The following PRDM1 variants were observed in gnomAD, a reference collection of about 807,000 sequenced individuals.
PRDM1 encodes PR/SET domain 1, also known as PR domain zinc finger protein 1.
PRDM1 carries 13 observed loss-of-function variants against 62.8 expected under a neutral mutation model. The observed-to-expected ratio is 0.21, with a 90% CI of 0.13 to 0.33. The LOEUF (loss-of-function observed/expected upper bound fraction) is 0.33, where lower values mean the gene tolerates loss of function less well. PRDM1 is among the 10% of genes least tolerant of loss of function. The pLI is 1.00. For missense variants in PRDM1, 895 were observed against 1,058.8 expected, an observed-to-expected ratio of 0.85 and a Z score of 2.15; for synonymous variants, 396 against 417.6, an observed-to-expected ratio of 0.95 and a Z score of 0.63.
rs188940628 is a variant in PRDM1, at chr6:106,064,030, C to T, written c.-67+15316C>T. Among the ~76,000 whole-genome samples, 737 of 152,226 alleles carry T rather than the reference C, an allele frequency of 4.8e-3. 5 individuals are homozygous for T. Among genetic ancestry groups the T allele is most frequent in the African/African-American group, 0.017 (709 of 41,520 alleles). ...CCAAATCCGGCATCTGGGATGGACC[C>T]GATTGCAAGAGGAAGTACATTTTTC... On this transcript the variant is annotated intron_variant, in intron 1 of 6. Transcript: ENST00000651185.
chr6:106,066,578 A>G (rs1345484770), intron 1 of PRDM1, among the ~76,000 whole-genome samples: 1 of 152,226 alleles, frequency 6.6e-6, no homozygotes, highest in Non-Finnish European at 1.5e-5. Flanking sequence ...TACAATAGAC[A>G]TTCAGAAAGG....
intron 1 of PRDM1, among the ~76,000 whole-genome samples, chr6:106,073,105 C>CTTTTTTTTT (rs202236727): frequency 1.5e-5 from 2 of 137,664 alleles, no homozygotes; most frequent in African/African-American, 2.7e-5. Context: ...TTCCTCTTTT[C>CTTTTTTTTT]TTTTTTTTTT....
chr6:106,074,729 C>T (rs1476491442), intron 1 of PRDM1, among the ~76,000 whole-genome samples: 1 of 152,180 alleles, frequency 6.6e-6, no homozygotes, highest in Non-Finnish European at 1.5e-5. Flanking sequence ...GATCCCAGCA[C>T]TTTGGGAGGC....
rs1241973444 is a variant in PRDM1 at position 106,106,750 on chromosome 6, C to G, written c.1903-161C>G. 6.6e-6 allele frequency among the ~76,000 whole-genome samples: 1 copy of G among 152,154 alleles called. No individual in the cohort carries two copies. Among genetic ancestry groups the G allele is most frequent in the African/African-American group, 2.4e-5 (1 of 41,412 alleles). On this transcript the variant is annotated intron_variant, in intron 6 of 6. Coordinates refer to ENST00000369096, the MANE Select transcript of PRDM1 (RefSeq NM_001198.4). The surrounding 1 kb of genome is among the most constrained non-coding windows in gnomAD (Gnocchi z 4.4). ...CCCCTCGTGTGCTGTGTGCCCACAT[C>G]CCCCCGTTTGCTTAATACCACACTG...
chr6:106,020,943 C>T (rs1562146175), intron 1 of PRDM1, among the ~76,000 whole-genome samples: 1 of 152,200 alleles, frequency 6.6e-6, no homozygotes, highest in Non-Finnish European at 1.5e-5. Context: ...CCATGCCAGT[C>T]CTTTCCCCCT....
In PRDM1 at chr6:106,036,623, A is replaced by G. The variant is rs150397940; in HGVS notation, c.-67+42984A>G. Among the ~76,000 whole-genome samples the G allele has an allele frequency of 1.8e-3, 273 of 152,220 alleles. 2 individuals are homozygous for G. Among genetic ancestry groups the G allele is most frequent in the African/African-American group, 6.4e-3 (265 of 41,554 alleles). On this transcript the variant is annotated intron_variant, in intron 1 of 6. Coordinates refer to the PRDM1 transcript ENST00000652320. Reference sequence around the variant, plus strand: ...CACTAATAATTGTGTTTCTTAGTGTAACAGTCTCTTAAATCATGTAGAAAA... The same window carrying G: ...CACTAATAATTGTGTTTCTTAGTGTGACAGTCTCTTAAATCATGTAGAAAA...
chr6:106,100,786 A>AGG (rs1452355676), intron 4 of PRDM1, among the ~76,000 whole-genome samples: 2 of 152,084 alleles, frequency 1.3e-5, no homozygotes, highest in Non-Finnish European at 2.9e-5. Flanking sequence ...CCTCCCCCGT[A>AGG]GGGGAGGTCG....
At chr6:106,061,447 A>G (rs1318850551) in intron 1 of PRDM1, among the ~76,000 whole-genome samples, 1 of 152,230 alleles carries the variant, frequency 6.6e-6, no homozygotes, top group Non-Finnish European at 1.5e-5. Flanking sequence ...CTGGCTAAAG[A>G]GTTACATGCC....
chr6:106,082,598 C>T (rs1467217853), upstream of PRDM1, among the ~76,000 whole-genome samples: 2 of 152,192 alleles, frequency 1.3e-5, no homozygotes, highest in African/African-American at 4.8e-5. Flanking sequence ...AGACCTTGGA[C>T]ATCCTGTGGG....
chr6:106,041,007 A>G (rs764659685), intron 1 of PRDM1, among the ~76,000 whole-genome samples: 8 of 152,104 alleles, frequency 5.3e-5, no homozygotes, highest in Non-Finnish European at 1.2e-4. Context: ...TTTTTTCCCC[A>G]CTATAAACAA....
rs1773864070 is a variant in PRDM1, at chr6:106,088,276, G to T, written c.118G>T (p.Asp40Tyr). Residue 40 changes from aspartate to tyrosine, a missense_variant, in exon 2 of 7, where the codon GAC (aspartate) becomes TAC (tyrosine). Asp to Tyr is a radical substitution (Grantham distance 160). Coordinates refer to ENST00000369096, the MANE Select transcript of PRDM1 (RefSeq NM_001198.4). Reference protein sequence around the residue: ...AEGTKGTMKMDMEDADMTLWT... With the variant: ...AEGTKGTMKMYMEDADMTLWT... ...GGGGACCAAGGGGACCATGAAAATGGACATGGAGGATGCGGATATGACTCT... is the reference window on the plus strand; with the variant it reads ...GGGGACCAAGGGGACCATGAAAATGTACATGGAGGATGCGGATATGACTCT... 1 of 1,614,138 alleles carries T rather than the reference G, an allele frequency of 6.2e-7. No homozygotes were observed. Among genetic ancestry groups the T allele is most frequent in the Middle Eastern group, 1.6e-4 (1 of 6,062 alleles).
At chr6:106,094,216 G>A (rs957626366) in intron 2 of PRDM1, among the ~76,000 whole-genome samples, 6 of 152,130 alleles carry the variant, frequency 3.9e-5, no homozygotes, top group African/African-American at 1.4e-4. Flanking sequence ...TATAAAAACT[G>A]GAAAATAAAC....
chr6:106,084,888 G>A (rs1360957667), upstream of PRDM1, among the ~76,000 whole-genome samples: 1 of 152,134 alleles, frequency 6.6e-6, no homozygotes, highest in Non-Finnish European at 1.5e-5. Flanking sequence ...CAGCGAGTGT[G>A]TGCTAATCAT....
In PRDM1 at chr6:106,109,091, CAA is replaced by C. The variant is rs36077280; in HGVS notation, c.*1626_*1627del. On this transcript the variant is annotated 3_prime_UTR_variant, in exon 7 of 7. Transcript: ENST00000369096. Reference sequence around the variant, plus strand: ...GTAAAAGATCTACTTTTTCTAAGGGCAAAAAAAAAAAAAAAAAAAAAAGAACA... The same window carrying C: ...GTAAAAGATCTACTTTTTCTAAGGGCAAAAAAAAAAAAAAAAAAAAGAACA... The C allele has an allele frequency of 0.013, 1,611 of 120,768 alleles. 1 individual carries two copies. The highest frequency in any genetic ancestry group is 0.048 in the Middle Eastern group (12 of 252). The allele number at this position is 120,768 out of a possible 1,614,324, so 7.5% of individuals were successfully genotyped here.
At chr6:106,099,801 A>G (rs1420496958) in intron 4 of PRDM1, 2 of 506,634 alleles carry the variant, frequency 3.9e-6, no homozygotes, top group Admixed American at 7.1e-5. Flanking sequence ...TGTTACAGGA[A>G]GAAATATATG....
chr6:106,083,110 T>C (rs1773720352), upstream of PRDM1, among the ~76,000 whole-genome samples: 1 of 151,658 alleles, frequency 6.6e-6, no homozygotes, highest in Non-Finnish European at 1.5e-5. Flanking sequence ...GTGGGAGGGC[T>C]TCAAAGCCTC....
intron 3 of PRDM1, among the ~76,000 whole-genome samples, chr6:106,096,531 G>T (rs1202269728): frequency 1.3e-5 from 2 of 152,186 alleles, no homozygotes; most frequent in Admixed American, 6.5e-5. Flanking sequence ...GAGGACCACA[G>T]AACTAGTCCT....
At chr6:106,068,703 C>G (rs1773469946) in intron 1 of PRDM1, among the ~76,000 whole-genome samples, 1 of 152,172 alleles carries the variant, frequency 6.6e-6, no homozygotes, top group South Asian at 2.1e-4. Context: ...GTGCACTCTT[C>G]AGAAGGGACA....
At chr6:106,048,823 C>A (rs1016374833) in intron 1 of PRDM1, among the ~76,000 whole-genome samples, 3 of 151,970 alleles carry the variant, frequency 2.0e-5, no homozygotes, top group Non-Finnish European at 4.4e-5. Context: ...GAAGTAAATG[C>A]CTTCCATTTT....
Sources: allele counts gnomAD v4.1 joint callset (sites outside exome capture counted in the v4.1 genomes callset), GRCh38; gene constraint gnomAD v4.1.1; non-coding constraint Gnocchi (gnomAD v3.1); transcripts MANE v1.5; gene names NCBI Gene and HGNC (gene_info 2026-07-23, HGNC 2026-07-21).